Variants in LRCH1 observed in about 807,000 individuals in gnomAD.
LRCH1 encodes leucine rich repeats and calponin homology domain containing 1, also known as leucine-rich repeat and calponin homology domain-containing protein 1.
In LRCH1, 23 loss-of-function variants were observed where a neutral mutation model predicts 94.9. The observed-to-expected ratio is 0.24, with a 90% confidence interval of 0.17 to 0.34. The LOEUF is 0.34. LRCH1 is among the 10% of genes least tolerant of loss of function. The pLI is 1.00. For synonymous variants in LRCH1, 364 were observed against 354.9 expected (o/e 1.03, Z -0.29); for missense variants, 790 against 945.9 (o/e 0.84, Z 2.16).
chr13:46,617,987 A>G (rs919498968), intron 1 of LRCH1, among the ~76,000 whole-genome samples: 2 of 152,212 alleles, frequency 1.3e-5, no homozygotes, highest in Non-Finnish European at 2.9e-5. Flanking sequence ...GTATGCCCTG[A>G]TAATGATACC....
chr13:46,565,767 G>A (rs762706022), intron 1 of LRCH1, among the ~76,000 whole-genome samples: 123 of 150,980 alleles, frequency 8.1e-4, no homozygotes, highest in Non-Finnish European at 1.2e-3. Flanking sequence ...CTGAGATCAC[G>A]CCATTGCACT....
At chr13:46,741,001 A>G (rs1289730292) in intron 19 of LRCH1, among the ~76,000 whole-genome samples, 4 of 152,226 alleles carry the variant, frequency 2.6e-5, no homozygotes, top group Non-Finnish European at 5.9e-5. Context: ...CTCACTACAC[A>G]TCCAAGAAGC....
In LRCH1 at chr13:46,667,317, G is replaced by T. The variant is rs976849027; in HGVS notation, c.453-1713G>T. ...GCACCTGCTTTTTCTGAGCTCATCAGGTAGAGCTGCCCTTCAGTTAACCAG... is the reference window on the plus strand; with the variant it reads ...GCACCTGCTTTTTCTGAGCTCATCATGTAGAGCTGCCCTTCAGTTAACCAG... On this transcript the variant is annotated intron_variant, in intron 2 of 19. Transcript: ENST00000389797. Among the ~76,000 whole-genome samples, 49 of 152,126 alleles carry T rather than the reference G, an allele frequency of 3.2e-4. 1 individual carries two copies. The highest frequency in any genetic ancestry group is 1.9e-4 in the Non-Finnish European group (13 of 68,030).
intron 2 of LRCH1, among the ~76,000 whole-genome samples, chr13:46,665,216 A>G (rs2051499570): frequency 6.6e-6 from 1 of 152,246 alleles, no homozygotes; most frequent in South Asian, 2.1e-4. Flanking sequence ...TTATAATCAC[A>G]TATCTTAAGG....
At chr13:46,651,920 C>G (rs1263385692) in intron 2 of LRCH1, among the ~76,000 whole-genome samples, 10 of 144,866 alleles carry the variant, frequency 6.9e-5, no homozygotes, top group Admixed American at 2.1e-4. Context: ...CGGAGTCTTG[C>G]TCTGTCGCCC....
At chr13:46,567,418 G>A (rs1045207395) in intron 1 of LRCH1, among the ~76,000 whole-genome samples, 1 of 151,456 alleles carries the variant, frequency 6.6e-6, no homozygotes. Flanking sequence ...TGCAATTGAC[G>A]GCAAATAGAT....
At chr13:46,713,027 C>T (rs1396893038) in intron 15 of LRCH1, among the ~76,000 whole-genome samples, 1 of 152,180 alleles carries the variant, frequency 6.6e-6, no homozygotes, top group Admixed American at 6.5e-5. Flanking sequence ...TGTTTACTCA[C>T]ATAACAGAGT....
intron 1 of LRCH1, among the ~76,000 whole-genome samples, chr13:46,589,361 G>A (rs974510578): frequency 2.6e-5 from 4 of 151,354 alleles, no homozygotes; most frequent in Non-Finnish European, 5.9e-5. Context: ...CTAATAGTAA[G>A]GGCATTCTCG....
rs1169642862 is a variant in LRCH1, at chr13:46,742,592, T to A, written c.*744T>A. The A allele has an allele frequency of 1.0e-6, 1 of 985,290 alleles. No homozygotes were observed. The highest frequency in any genetic ancestry group is 1.7e-5 in the African/African-American group (1 of 57,214). 61.0% of individuals were successfully genotyped at this position (985,290 alleles called of 1,614,324 possible). A position where few individuals can be genotyped will look rare whatever the true frequency, so the allele number is the denominator to read the frequency against. ...CGTGGAGGAGTCACTTAAACACCAGTTTTTTACTGCTTAATTCCTTGTTAG... is the reference window on the plus strand; with the variant it reads ...CGTGGAGGAGTCACTTAAACACCAGATTTTTACTGCTTAATTCCTTGTTAG... On this transcript the variant is annotated 3_prime_UTR_variant, in exon 20 of 20. Coordinates refer to ENST00000389797, the MANE Select transcript of LRCH1 (RefSeq NM_001164211.2).
chr13:46,573,319 C>T (rs1440370413), intron 1 of LRCH1, among the ~76,000 whole-genome samples: 1 of 152,094 alleles, frequency 6.6e-6, no homozygotes, highest in African/African-American at 2.4e-5. Flanking sequence ...TGCATGAAGG[C>T]TGGACTCTGT....
At chr13:46,677,637 T>G (rs2051696059) in intron 3 of LRCH1, among the ~76,000 whole-genome samples, 1 of 152,190 alleles carries the variant, frequency 6.6e-6, no homozygotes, top group Admixed American at 6.5e-5. Flanking sequence ...AGAGACTCTT[T>G]TTATTGTGAT....
intron 10 of LRCH1, among the ~76,000 whole-genome samples, chr13:46,700,818 C>T (rs1409968412): frequency 6.6e-6 from 1 of 152,148 alleles, no homozygotes; most frequent in Non-Finnish European, 1.5e-5. Flanking sequence ...TAAAGCACAA[C>T]GGTGAAAGCC....
chr13:46,576,538 C>T (rs778697416), intron 1 of LRCH1, among the ~76,000 whole-genome samples: 2 of 152,144 alleles, frequency 1.3e-5, no homozygotes, highest in African/African-American at 2.4e-5. Context: ...ACATTGCTAT[C>T]GTTGATTAGA....
rs192516178 is a variant in LRCH1 at position 46,743,373 on chromosome 13, T to C, written c.*1525T>C. 1.5e-5 allele frequency: 15 copies of C among 985,676 alleles called. No homozygotes were observed. Among genetic ancestry groups the C allele is most frequent in the African/African-American group, 1.7e-5 (1 of 57,168 alleles). The allele number at this position is 985,676 out of a possible 1,614,324, so 61.1% of individuals were successfully genotyped here. A position where few individuals can be genotyped will look rare whatever the true frequency, so the allele number is the denominator to read the frequency against. ...CTTTACATGACAGTATCTTGAGTTA[T>C]GTGAGTTTTTTTTCCTCCTGACTTT... On this transcript the variant is annotated 3_prime_UTR_variant, in exon 20 of 20. Coordinates refer to ENST00000389797, the MANE Select transcript of LRCH1 (RefSeq NM_001164211.2).
At chr13:46,661,174 G>T (rs1162525769) in intron 2 of LRCH1, among the ~76,000 whole-genome samples, 1 of 152,158 alleles carries the variant, frequency 6.6e-6, no homozygotes, top group African/African-American at 2.4e-5. Flanking sequence ...GCTGCACTGT[G>T]TAGAGGGGAG....
rs146070467 is a variant in LRCH1, at chr13:46,663,054, A to G, written c.453-5976A>G. 2.5e-4 allele frequency among the ~76,000 whole-genome samples: 38 copies of G among 152,302 alleles called. No individual in the cohort carries two copies. In the East Asian group the frequency reaches 6.9e-3, roughly 28 times the overall value. ...ATGATTCTGTTTTTCTAGTCTGAAA[A>G]CATTTTAAGTCTTCAAATGATTGTC... is the stretch of plus-strand genomic sequence containing the variant. On this transcript the variant is annotated intron_variant, in intron 2 of 19. Coordinates refer to ENST00000389797, the MANE Select transcript of LRCH1 (RefSeq NM_001164211.2).
At chr13:46,729,550 CAAAAAA>C (rs61033499) in intron 18 of LRCH1, among the ~76,000 whole-genome samples, 1 of 89,140 alleles carries the variant, frequency 1.1e-5, no homozygotes, top group Non-Finnish European at 2.4e-5. Context: ...GACCCTGTCT[CAAAAAA>C]AAAAAAAAAA....
chr13:46,708,276 CT>C (rs10635302), intron 13 of LRCH1, among the ~76,000 whole-genome samples: 2,117 of 130,438 alleles, frequency 0.016, 40 homozygotes, highest in African/African-American at 0.053. Context: ...TTCATCCCAT[CT>C]TTTTTTTTTT....
chr13:46,658,625 A>G lies in LRCH1; in HGVS notation c.452+8280A>G, dbSNP rs971514835. Among the ~76,000 whole-genome samples, 8 of 152,166 alleles carry G rather than the reference A, an allele frequency of 5.3e-5. No homozygotes were observed. The South Asian group carries it at 1.5e-3, about 28-fold the overall frequency. ...CTCCGCAGGAGCTGGGACTACAGGCATGCACCACCATGCCCAGCTAATTTT... is the reference window on the plus strand; with the variant it reads ...CTCCGCAGGAGCTGGGACTACAGGCGTGCACCACCATGCCCAGCTAATTTT... On this transcript the variant is annotated intron_variant, in intron 2 of 19. Coordinates refer to ENST00000389797, the MANE Select transcript of LRCH1 (RefSeq NM_001164211.2).
Sources: gnomAD v4.1 joint callset for allele counts (sites outside exome capture counted in the v4.1 genomes callset) on GRCh38, gnomAD v4.1.1 for gene constraint, MANE v1.5 for transcripts, NCBI Gene and HGNC (gene_info 2026-07-23, HGNC 2026-07-21) for gene names.